VCP: variants seen among roughly 807,000 people sequenced by gnomAD.
VCP encodes transitional endoplasmic reticulum ATPase.
Under a neutral mutation model 85.7 loss-of-function variants are expected in VCP, and 6 were observed. That is an observed-to-expected ratio of 0.07 (90% confidence interval 0.04 to 0.14). The LOEUF (loss-of-function observed/expected upper bound fraction) is 0.14, where lower values mean the gene tolerates loss of function less well. VCP is among the 10% of genes least tolerant of loss of function. VCP has a pLI of 1.00. For missense variants in VCP, 353 were observed against 1,043.4 expected (o/e 0.34, Z 9.12); for synonymous variants, 384 against 367.1 (o/e 1.05, Z -0.53).
intron 13 of VCP, 152 bp downstream of exon 13, chr9:35,060,161 C>G: frequency 1.2e-5 from 10 of 859,828 alleles, no homozygotes; most frequent in Non-Finnish European, 1.8e-5. Context: ...AAAAATAACA[C>G]TAGGTCTCTC....
intron 3 of VCP, 37 bp downstream of exon 3, chr9:35,067,854 C>T (rs1247500274): frequency 6.2e-7 from 1 of 1,613,832 alleles, no homozygotes; most frequent in Non-Finnish European, 8.5e-7. Flanking sequence ...CTATCTCTGG[C>T]CTCCCATCCC....
chr9:35,057,461 G>A lies in VCP; in HGVS notation c.2230C>T (p.Arg744Cys). 2 of 1,614,164 alleles carry A rather than the reference G, an allele frequency of 1.2e-6. No individual in the cohort carries two copies. Among genetic ancestry groups the A allele is most frequent in the East Asian group, 2.2e-5 (1 of 44,896 alleles). Reference sequence around the variant, plus strand: ...ATGTCATTGTCACTGACAGAACGGCGCGCAAAGCGCATGGCTTCTTCAAAG... The same window carrying A: ...ATGTCATTGTCACTGACAGAACGGCACGCAAAGCGCATGGCTTCTTCAAAG... Reference protein sequence around the residue: ...DHFEEAMRFARRSVSDNDIRK... With the variant: ...DHFEEAMRFACRSVSDNDIRK... The change falls in exon 16 of 17, where the codon CGC (arginine) becomes TGC (cysteine). Residue 744 changes from arginine to cysteine, a missense_variant. By Grantham distance (180) the Arg-to-Cys change is radical (BLOSUM62 -3). Coordinates refer to ENST00000358901, the MANE Select transcript of VCP (RefSeq NM_007126.5).
chr9:35,065,412 G>A, intron 4 of VCP, 31 bp from the exon 5 acceptor site: 6 of 1,613,776 alleles, frequency 3.7e-6, no homozygotes, highest in South Asian at 1.1e-5. Flanking sequence ...AGCACAGTTA[G>A]AGGTGTCAAC....
intron 5 of VCP, 58 bp downstream of exon 5, chr9:35,065,193 C>T (rs1828803076): frequency 6.2e-7 from 1 of 1,612,620 alleles, no homozygotes; most frequent in Non-Finnish European, 8.5e-7. Flanking sequence ...ACAGTTACCA[C>T]ATGATGCCAC....
Position 35,059,378 on chromosome 9 carries a change from C to T in VCP, c.2004+115G>A. 2 of 1,534,184 alleles carry T rather than the reference C, an allele frequency of 1.3e-6. No individual in the cohort carries two copies. Among genetic ancestry groups the T allele is most frequent in the Admixed American group, 1.9e-5 (1 of 51,716 alleles). On this transcript the variant is annotated intron_variant, in intron 14 of 16. Coordinates refer to ENST00000358901, the MANE Select transcript of VCP (RefSeq NM_007126.5). The surrounding 1 kb of genome is among the most constrained non-coding windows in gnomAD (Gnocchi z 4.9). ...TATCTTGATATCCTCAAAAATTCTA[C>T]CTTCCCTTTAGACCAACCCTAACCC...
chr9:35,071,094 T>C (rs2299613), intron 1 of VCP, among the ~76,000 whole-genome samples: 28,777 of 152,170 alleles, frequency 0.19, 2,990 homozygotes, highest in Middle Eastern at 0.26. Context: ...CCAAGAATTT[T>C]AGATTTTTAC....
intron 15 of VCP, 162 bp from the exon 16 acceptor site, chr9:35,057,692 A>G (rs929644599): frequency 3.2e-6 from 3 of 941,670 alleles, no homozygotes. Context: ...TGCTCTGCTT[A>G]AAAACTTGTC....
intron 1 of VCP, chr9:35,071,607 C>T: frequency 1.1e-5 from 7 of 652,886 alleles, no homozygotes; most frequent in Non-Finnish European, 1.3e-5. Flanking sequence ...TCCTTTCTCC[C>T]CACCCACGAG....
chr9:35,059,214 C>G lies in VCP; in HGVS notation c.2010G>C (p.Val670=). The part of the protein sequence containing the change: ...NLRKSPVAKD[V]DLEFLAKMTN... ...TCATTTTAGCCAGGAACTCCAAGTC[C>G]ACATCCTAAAAGCAGCAGCAGAGGT... Residue 670 remains valine, a synonymous_variant, in exon 15 of 17, where the codon GTG becomes GTC. Transcript: ENST00000358901. The surrounding 1 kb of genome is among the most constrained non-coding windows in gnomAD (Gnocchi z 4.9). 6.2e-7 allele frequency: 1 copy of G among 1,614,150 alleles called. No individual in the cohort carries two copies. Among genetic ancestry groups the G allele is most frequent in the South Asian group, 1.1e-5 (1 of 91,080 alleles).
At position 35,072,450 on chromosome 9, in the gene VCP, G is replaced by A. The variant is rs1172670332; in HGVS notation, c.-97C>T. 2.2e-6 allele frequency: 3 copies of A among 1,359,934 alleles called. No homozygotes were observed. Among genetic ancestry groups the A allele is most frequent in the Admixed American group, 3.6e-5 (1 of 27,886 alleles). 84.2% of individuals were successfully genotyped at this position (1,359,934 alleles called of 1,614,324 possible). A position where few individuals can be genotyped will look rare whatever the true frequency, so the allele number is the denominator to read the frequency against. On this transcript the variant is annotated 5_prime_UTR_variant, in exon 1 of 17. Transcript: ENST00000358901. ...ACTGGGCCGGGGCTCGGCTCTTCCA[G>A]GCGGTGGGCGAGCAGCGGCGACAAA...
At chr9:35,070,826 T>C (rs574598589) in intron 1 of VCP, among the ~76,000 whole-genome samples, 12 of 151,338 alleles carry the variant, frequency 7.9e-5, no homozygotes, top group Non-Finnish European at 1.3e-4. Context: ...ATGAGTGGTA[T>C]GCCCTTTTCT....
In VCP at chr9:35,069,800, A is replaced by G. The variant is rs140485754; in HGVS notation, c.18-1438T>C. 5.0e-3 allele frequency among the ~76,000 whole-genome samples: 767 copies of G among 152,354 alleles called. 12 individuals are homozygous for G. The highest frequency in any genetic ancestry group is 0.018 in the African/African-American group (741 of 41,584). On this transcript the variant is annotated intron_variant, in intron 1 of 16. Coordinates refer to ENST00000358901, the MANE Select transcript of VCP (RefSeq NM_007126.5). ...TCGTGTTAGTAAGGCTCAGGAAAAC[A>G]TAAGCATTAACCAAAGTAGGAAGGC...
In VCP at chr9:35,072,145, CGCGCGGGT is replaced by C; in HGVS notation, c.17+184_17+191del. On this transcript the variant is annotated intron_variant, in intron 1 of 16. Transcript: ENST00000358901. Reference sequence around the variant, plus strand: ...CCCAACGCAAGCCCCGCCTAGGGGGCGCGCGGGTGCGCAGCTGGCCCCAGCCGGGCCTG... The same window carrying C: ...CCCAACGCAAGCCCCGCCTAGGGGGCGCGCAGCTGGCCCCAGCCGGGCCTG... 2.2e-6 allele frequency: 3 copies of C among 1,391,418 alleles called. No individual in the cohort carries two copies. The South Asian group carries it at 4.5e-5, about 21-fold the overall frequency. 86.2% of individuals were successfully genotyped at this position (1,391,418 alleles called of 1,614,324 possible).
At chr9:35,071,463 C>A (rs139980401) in intron 1 of VCP, among the ~76,000 whole-genome samples, 2 of 152,010 alleles carry the variant, frequency 1.3e-5, no homozygotes, top group Admixed American at 6.5e-5. Context: ...GAAAGGAGTG[C>A]GCGCACGTTT....
chr9:35,063,759 T>G (rs1227201966), intron 6 of VCP, among the ~76,000 whole-genome samples: 1 of 152,214 alleles, frequency 6.6e-6, no homozygotes, highest in Non-Finnish European at 1.5e-5. Flanking sequence ...TCAGAACCCT[T>G]TAACACTCTG....
At position 35,062,616 on chromosome 9, in the gene VCP, A is replaced by G. The variant is rs607671; in HGVS notation, c.812-266T>C. Among the ~76,000 whole-genome samples the G allele has an allele frequency of 0.68, 102,964 of 151,908 alleles. 35,920 individuals are homozygous for G. Among genetic ancestry groups the G allele is most frequent in the Non-Finnish European group, 0.76 (51,826 of 67,958 alleles). ...TGCTCTAGGACCTCTGGCTAGAGCA[A>G]GAGAGATGGCACACCAGATGGCACA... is the stretch of plus-strand genomic sequence containing the variant. On this transcript the variant is annotated intron_variant, in intron 7 of 16. Transcript: ENST00000358901.
At chr9:35,064,801 T>C (rs1274392057) in intron 5 of VCP, among the ~76,000 whole-genome samples, 1 of 152,192 alleles carries the variant, frequency 6.6e-6, no homozygotes, top group Non-Finnish European at 1.5e-5. Context: ...AAGAAACAAT[T>C]AGGCCCAGAA....
At chr9:35,071,127 G>A (rs1828932647) in intron 1 of VCP, among the ~76,000 whole-genome samples, 1 of 152,092 alleles carries the variant, frequency 6.6e-6, no homozygotes, top group Non-Finnish European at 1.5e-5. Flanking sequence ...GAGGCTGACT[G>A]CATATAAACC....
chr9:35,065,210 T>C, intron 5 of VCP, 41 bp downstream of exon 5: 1 of 1,613,560 alleles, frequency 6.2e-7, no homozygotes, highest in Non-Finnish European at 8.5e-7. Context: ...CCACACTGAG[T>C]AATCATAAAA....
Sources: allele counts gnomAD v4.1 joint callset (sites outside exome capture counted in the v4.1 genomes callset), GRCh38; gene constraint gnomAD v4.1.1; non-coding constraint Gnocchi (gnomAD v3.1); transcripts MANE v1.5; gene names NCBI Gene and HGNC (gene_info 2026-07-23, HGNC 2026-07-21).